The following KMT2C variants were observed in gnomAD, a reference collection of about 807,000 sequenced individuals.
KMT2C encodes lysine methyltransferase 2C.
In KMT2C, 88 loss-of-function variants were observed where a neutral mutation model predicts 507.9. The observed-to-expected ratio is 0.17, with a 90% CI of 0.15 to 0.21. The LOEUF is 0.21. Ranked by LOEUF, KMT2C falls within the 10% of genes least tolerant of loss-of-function variation. KMT2C has a pLI of 1.00. For missense variants in KMT2C, 4,954 were observed against 5,957.8 expected (o/e 0.83, Z 5.55); for synonymous variants, 2,049 against 2,080.8 (o/e 0.98, Z 0.42).
chr7:152,354,052 A>G lies in KMT2C; in HGVS notation c.250+4535T>C, dbSNP rs567565055. ...TTGCCCTATGTTCACTATGTTCCCT[A>G]AAAGAAGTGGACAATGGACTTTCCA... On this transcript the variant is annotated intron_variant, in intron 2 of 58. Transcript: ENST00000262189. Among the ~76,000 whole-genome samples the G allele has an allele frequency of 1.6e-3, 247 of 152,296 alleles. 4 individuals are homozygous for G. In the Middle Eastern group the frequency reaches 0.02, roughly 13 times the overall value.
chr7:152,377,386 A>G (rs2097337231), intron 1 of KMT2C, among the ~76,000 whole-genome samples: 1 of 149,080 alleles, frequency 6.7e-6, no homozygotes, highest in Non-Finnish European at 1.5e-5. Context: ...CGATACATCT[A>G]TCCTGCAGCC....
At chr7:152,207,794 T>C (rs1362917019) in intron 23 of KMT2C, among the ~76,000 whole-genome samples, 1 of 152,202 alleles carries the variant, frequency 6.6e-6, no homozygotes, top group Non-Finnish European at 1.5e-5. Flanking sequence ...TATTACCTAG[T>C]TACTGAAAAC....
chr7:152,424,540 A>G (rs1420641542), intron 1 of KMT2C, among the ~76,000 whole-genome samples: 2 of 152,092 alleles, frequency 1.3e-5, no homozygotes, highest in Non-Finnish European at 2.9e-5. Flanking sequence ...CTCCCACCTC[A>G]GCCTCCTAAG....
intron 2 of KMT2C, among the ~76,000 whole-genome samples, chr7:152,340,427 T>C (rs181674295): frequency 1.1e-4 from 16 of 152,306 alleles, no homozygotes; most frequent in African/African-American, 3.6e-4. Flanking sequence ...CTCCCTTCTT[T>C]TGAAAGAAGT....
chr7:152,290,278 A>G (rs2096396875), intron 6 of KMT2C, among the ~76,000 whole-genome samples: 8 of 29,346 alleles, frequency 2.7e-4, no homozygotes, highest in African/African-American at 9.6e-4. Context: ...ATATATATAT[A>G]TATATATATA....
chr7:152,378,793 T>C (rs2129247197), intron 1 of KMT2C, among the ~76,000 whole-genome samples: 1 of 152,346 alleles, frequency 6.6e-6, no homozygotes, highest in Non-Finnish European at 1.5e-5. Flanking sequence ...CAATATTTTC[T>C]TCACTCTGAA....
intron 36 of KMT2C, 23 bp downstream of exon 36, chr7:152,180,688 C>A (rs2129118975): frequency 6.5e-7 from 1 of 1,529,240 alleles, no homozygotes. Context: ...ACATTTAAAA[C>A]TGAGAACATA....
At chr7:152,341,644 C>T (rs1033364450) in intron 2 of KMT2C, among the ~76,000 whole-genome samples, 1 of 152,038 alleles carries the variant, frequency 6.6e-6, no homozygotes, top group Non-Finnish European at 1.5e-5. Context: ...CCAATATCTA[C>T]CACCACAGTA....
chr7:152,417,062 A>G (rs1345965820), intron 1 of KMT2C, among the ~76,000 whole-genome samples: 2 of 151,808 alleles, frequency 1.3e-5, no homozygotes, highest in Non-Finnish European at 2.9e-5. Context: ...AAAAAAAAAA[A>G]AAAAAAGAGT....
chr7:152,252,196 A>G, intron 10 of KMT2C, 106 bp from the exon 11 acceptor site: 1 of 799,850 alleles, frequency 1.3e-6, no homozygotes, highest in Non-Finnish European at 1.9e-6. Flanking sequence ...TTAATTAAGT[A>G]TGAGAGGAGA....
intron 55 of KMT2C, among the ~76,000 whole-genome samples, chr7:152,140,548 C>CA (rs1428905706): frequency 6.6e-6 from 1 of 152,086 alleles, no homozygotes; most frequent in East Asian, 1.9e-4. Flanking sequence ...TTTCTTGTCC[C>CA]AATTTTGGGT....
At chr7:152,386,634 G>T (rs2097429871) in intron 1 of KMT2C, among the ~76,000 whole-genome samples, 1 of 152,312 alleles carries the variant, frequency 6.6e-6, no homozygotes, top group Non-Finnish European at 1.5e-5. Flanking sequence ...ACCCTCATTT[G>T]CCAGGTGGAC....
At chr7:152,270,437 G>A (rs79907351) in intron 7 of KMT2C, among the ~76,000 whole-genome samples, 1 of 152,180 alleles carries the variant, frequency 6.6e-6, no homozygotes, top group African/African-American at 2.4e-5. Flanking sequence ...ACCTTGCAAA[G>A]ACTTCTCATT....
At chr7:152,275,511 AATATT>A (rs1041627098) in intron 6 of KMT2C, among the ~76,000 whole-genome samples, 12 of 152,198 alleles carry the variant, frequency 7.9e-5, no homozygotes, top group Non-Finnish European at 1.2e-4. Flanking sequence ...AATTTTATAT[AATATT>A]ATAAGTATAC....
intron 7 of KMT2C, among the ~76,000 whole-genome samples, 172 bp from the exon 8 acceptor site, chr7:152,265,381 T>A (rs1207628927): frequency 6.6e-6 from 1 of 152,216 alleles, no homozygotes; most frequent in African/African-American, 2.4e-5. Context: ...CACTGTAGGG[T>A]ATTTAATCTA....
At chr7:152,340,006 T>C (rs1179295001) in intron 2 of KMT2C, among the ~76,000 whole-genome samples, 1 of 151,990 alleles carries the variant, frequency 6.6e-6, no homozygotes, top group East Asian at 1.9e-4. Flanking sequence ...TTTTAAGAGA[T>C]GGGCTCATGC....
intron 2 of KMT2C, among the ~76,000 whole-genome samples, chr7:152,335,268 T>G (rs993724401): frequency 6.6e-6 from 1 of 152,214 alleles, no homozygotes; most frequent in East Asian, 1.9e-4. Context: ...TACTATAAAA[T>G]TATCACATAT....
intron 1 of KMT2C, among the ~76,000 whole-genome samples, chr7:152,404,631 C>CAAAAAA (rs68171347): frequency 0.034 from 2,259 of 66,172 alleles, no homozygotes; most frequent in African/African-American, 0.084. Context: ...ACTCAGGTCT[C>CAAAAAA]AAAAAAAAAA....
intron 1 of KMT2C, among the ~76,000 whole-genome samples, chr7:152,375,943 G>A (rs1300353669): frequency 5.3e-5 from 8 of 152,032 alleles, no homozygotes; most frequent in South Asian, 2.1e-4. Context: ...CAGCCTCATC[G>A]GTAGGTGGGA....
Sources: gnomAD v4.1 joint callset for allele counts (sites outside exome capture counted in the v4.1 genomes callset) on GRCh38, gnomAD v4.1.1 for gene constraint, MANE v1.5 for transcripts, NCBI Gene and HGNC (gene_info 2026-07-23, HGNC 2026-07-21) for gene names.